CELF2: variants seen among roughly 807,000 people sequenced by gnomAD.
CELF2 encodes CUG triplet repeat RNA-binding protein 2.
Under a neutral mutation model 62.6 loss-of-function variants are expected in CELF2, and 8 were observed. The ratio of observed to expected loss-of-function variants is 0.13; its 90% confidence interval spans 0.07 to 0.23. The LOEUF is 0.23. CELF2 is among the 10% of genes least tolerant of loss of function. The pLI, the probability that CELF2 is intolerant of heterozygous loss-of-function variation, is 1.00. For missense variants in CELF2, 333 were observed against 671.0 expected, an observed-to-expected ratio of 0.50 and a Z score of 5.56; for synonymous variants, 258 against 250.0, an observed-to-expected ratio of 1.03 and a Z score of -0.30.
intron 2 of CELF2, among the ~76,000 whole-genome samples, chr10:11,181,369 G>A (rs1053410151): frequency 6.6e-6 from 1 of 152,170 alleles, no homozygotes; most frequent in Non-Finnish European, 1.5e-5. Flanking sequence ...TGATGTCTCT[G>A]TATTCATACC....
At chr10:11,298,191 C>T (rs1045548734) in intron 9 of CELF2, among the ~76,000 whole-genome samples, 9 of 152,206 alleles carry the variant, frequency 5.9e-5, no homozygotes, top group Non-Finnish European at 8.8e-5. Context: ...CAGCCTCCAG[C>T]GTGTCCCTCT....
the CELF2 span, among the ~76,000 whole-genome samples, chr10:10,635,611 T>C: frequency 1.3e-5 from 2 of 152,198 alleles, no homozygotes; most frequent in African/African-American, 4.8e-5. Context: ...AGGGAATGAA[T>C]GTATGTAAAT....
intron 1 of CELF2, among the ~76,000 whole-genome samples, chr10:10,808,220 A>T (rs2055443775): frequency 6.6e-6 from 1 of 152,212 alleles, no homozygotes; most frequent in Non-Finnish European, 1.5e-5. Flanking sequence ...ATCAGGCAAA[A>T]CAGCATTGAG....
intron 2 of CELF2, among the ~76,000 whole-genome samples, chr10:10,974,995 C>G (rs1220584238): frequency 6.6e-6 from 1 of 152,212 alleles, no homozygotes; most frequent in Admixed American, 6.5e-5. Flanking sequence ...TAGATAAAGG[C>G]TGAAGAAGAA....
chr10:11,199,119 C>T (rs1172725725), intron 2 of CELF2, among the ~76,000 whole-genome samples: 4 of 152,060 alleles, frequency 2.6e-5, no homozygotes, highest in Admixed American at 6.6e-5. Flanking sequence ...TCTCTAGTGG[C>T]GAGAGATTGT....
chr10:10,988,452 G>A (rs1422128567), intron 2 of CELF2, among the ~76,000 whole-genome samples: 1 of 152,028 alleles, frequency 6.6e-6, no homozygotes, highest in Non-Finnish European at 1.5e-5. Context: ...CTTATAAGTG[G>A]GAGCTAAGCC....
At chr10:10,994,573 T>C (rs965723407) in intron 2 of CELF2, among the ~76,000 whole-genome samples, 2 of 152,220 alleles carry the variant, frequency 1.3e-5, no homozygotes, top group African/African-American at 4.8e-5. Context: ...CTCTGCCTCC[T>C]GTTGAATCAG....
At chr10:10,804,766 C>G (rs2055037858) in intron 1 of CELF2, among the ~76,000 whole-genome samples, 1 of 152,196 alleles carries the variant, frequency 6.6e-6, no homozygotes, top group East Asian at 1.9e-4. Context: ...TAAGTCACTG[C>G]TTGGCCTTGA....
intron 2 of CELF2, among the ~76,000 whole-genome samples, chr10:10,981,934 C>A (rs575464494): frequency 1.3e-5 from 2 of 151,558 alleles, no homozygotes; most frequent in Non-Finnish European, 2.9e-5. Context: ...TAGACCCTCT[C>A]CTCGACTTCC....
rs1165230116 is a variant in CELF2, at chr10:11,328,664, T to G, written c.1439-262T>G. On this transcript the variant is annotated intron_variant, in intron 12 of 12. Transcript: ENST00000633077. The surrounding 1 kb of genome is among the most constrained non-coding windows in gnomAD (Gnocchi z 6.4). ...AACTGAATTCAGCCAAACAATTGAG[T>G]CTGAGGTTTCAGTGTTGTGGGGAGG... Among the ~76,000 whole-genome samples the G allele has an allele frequency of 6.6e-6, 1 of 152,196 alleles. No individual in the cohort carries two copies. Among genetic ancestry groups the G allele is most frequent in the Non-Finnish European group, 1.5e-5 (1 of 68,018 alleles).
the CELF2 span, among the ~76,000 whole-genome samples, chr10:10,589,797 G>A: frequency 3.0e-4 from 45 of 152,316 alleles, 1 homozygote; most frequent in Admixed American, 6.5e-4. Flanking sequence ...ACAGTGAGTC[G>A]CAGAAAGGCT....
intron 2 of CELF2, among the ~76,000 whole-genome samples, chr10:11,202,007 T>C (rs1374119156): frequency 6.6e-6 from 1 of 152,164 alleles, no homozygotes; most frequent in African/African-American, 2.4e-5. Flanking sequence ...GTCTTAAAAT[T>C]TGGCCTCACT....
chr10:10,789,095 G>A, the CELF2 span: 7 of 152,098 alleles, frequency 4.6e-5, no homozygotes, highest in Non-Finnish European at 1.0e-4. Context: ...GCTAGACCAA[G>A]AAAGCTGAAT....
the CELF2 span, among the ~76,000 whole-genome samples, chr10:10,598,275 C>A: frequency 6.6e-6 from 1 of 152,188 alleles, no homozygotes; most frequent in Non-Finnish European, 1.5e-5. Context: ...ATATTTATTA[C>A]ATGGGGACTC....
At chr10:11,171,712 T>G (rs79327395) in intron 2 of CELF2, among the ~76,000 whole-genome samples, 2,111 of 152,326 alleles carry the variant, frequency 0.014, 50 homozygotes, top group African/African-American at 0.048. Context: ...AGAATGAGCC[T>G]TGCTTTCTTT....
the CELF2 span, among the ~76,000 whole-genome samples, chr10:10,645,069 G>T: frequency 1.3e-5 from 2 of 152,098 alleles, no homozygotes; most frequent in African/African-American, 4.8e-5. Context: ...GATCTCCTGG[G>T]GATACTGGCC....
rs2071805498 is a variant in CELF2, at chr10:11,237,341, C to T, written c.355-11812C>T. Among the ~76,000 whole-genome samples, 1 of 152,190 alleles carries T rather than the reference C, an allele frequency of 6.6e-6. No homozygotes were observed. Among genetic ancestry groups the T allele is most frequent in the African/African-American group, 2.4e-5 (1 of 41,450 alleles). ...TCCCGGGGTTGATGTCCCCATAAGC[C>T]GTGGTCTCTGTCCAGCTTCTCAAGT... On this transcript the variant is annotated intron_variant, in intron 3 of 12. Coordinates refer to ENST00000633077, the MANE Select transcript of CELF2 (RefSeq NM_001326342.2). The surrounding 1 kb of genome is among the most constrained non-coding windows in gnomAD (Gnocchi z 4.0).
chr10:10,745,397 C>T, the CELF2 span, among the ~76,000 whole-genome samples: 1 of 152,140 alleles, frequency 6.6e-6, no homozygotes, highest in Non-Finnish European at 1.5e-5. Flanking sequence ...TTTGTTCAAT[C>T]TCTCCTCCTA....
At chr10:11,045,522 G>A (rs1182641475) in intron 1 of CELF2, among the ~76,000 whole-genome samples, 1 of 152,142 alleles carries the variant, frequency 6.6e-6, no homozygotes, top group Non-Finnish European at 1.5e-5. Flanking sequence ...AATTCAATGA[G>A]ATGATTCCTA....
Sources: allele counts gnomAD v4.1 joint callset (sites outside exome capture counted in the v4.1 genomes callset), GRCh38; gene constraint gnomAD v4.1.1; non-coding constraint Gnocchi (gnomAD v3.1); transcripts MANE v1.5; gene names NCBI Gene and HGNC (gene_info 2026-07-23, HGNC 2026-07-21).